SHROOM4: variants seen among roughly 807,000 people sequenced by gnomAD.
SHROOM4 encodes protein Shroom4.
A neutral mutation model predicts 80.3 loss-of-function variants in SHROOM4; 17 were observed. That is an observed-to-expected ratio of 0.21 (90% CI 0.14 to 0.32). The LOEUF (loss-of-function observed/expected upper bound fraction) is 0.32, where lower values mean the gene tolerates loss of function less well. SHROOM4 is among the 10% of genes least tolerant of loss of function. The pLI, the probability that SHROOM4 is intolerant of heterozygous loss-of-function variation, is 1.00. For synonymous variants in SHROOM4, 400 were observed against 437.5 expected (o/e 0.91, Z 1.07); for missense variants, 993 against 1,140.3 (o/e 0.87, Z 1.86).
intron 1 of SHROOM4, among the ~76,000 whole-genome samples, chrX:50,705,734 C>T (rs1201182462): frequency 9.1e-6 from 1 of 109,855 alleles, no homozygotes; most frequent in African/African-American, 3.3e-5. Flanking sequence ...GCCCTGCCAA[C>T]AAGGCATTTG....
chrX:50,775,787 CA>C (rs1935491916), intron 1 of SHROOM4, among the ~76,000 whole-genome samples: 1 of 112,194 alleles, frequency 8.9e-6, no homozygotes, highest in African/African-American at 3.2e-5. Context: ...CCAGGTGTGA[CA>C]TATGAGGGAA....
chrX:50,640,783 G>A (rs1263541761), intron 2 of SHROOM4, among the ~76,000 whole-genome samples: 2 of 111,978 alleles, frequency 1.8e-5, no homozygotes, highest in African/African-American at 6.5e-5. Flanking sequence ...CTGATTCTGT[G>A]CCTTTGCTGT....
intron 2 of SHROOM4, among the ~76,000 whole-genome samples, chrX:50,683,780 G>T (rs1356677913): frequency 9.0e-6 from 1 of 111,088 alleles, no homozygotes; most frequent in Non-Finnish European, 1.9e-5. Context: ...GGTATAAATG[G>T]GAGTGAGGTA....
intron 2 of SHROOM4, among the ~76,000 whole-genome samples, chrX:50,658,680 A>G (rs1557259688): frequency 9.0e-6 from 1 of 111,537 alleles, no homozygotes; most frequent in African/African-American, 3.3e-5. Context: ...GTAGAGGGAT[A>G]GGAAGGGAAG....
At position 50,593,196 on chromosome X, in the gene SHROOM4, T is replaced by C. The variant is rs782723010; in HGVS notation, c.*3499A>G. The C allele has an allele frequency of 8.9e-6, 1 of 112,135 alleles. No individual in the cohort carries two copies. The highest frequency in any genetic ancestry group is 2.8e-4 in the East Asian group (1 of 3,542). The allele number at this position is 112,135 out of a possible 1,213,427, so 9.2% of individuals were successfully genotyped here. A position where few individuals can be genotyped will look rare whatever the true frequency, so the allele number is the denominator to read the frequency against. On this transcript the variant is annotated 3_prime_UTR_variant, in exon 9 of 9. Coordinates refer to ENST00000376020, the MANE Select transcript of SHROOM4 (RefSeq NM_020717.5). ...AGAGGCCAGGGTAAGGGTTTAGGGA[T>C]GTGGGTAAGGGTCTGGTCATATGTT... is the stretch of plus-strand genomic sequence containing the variant.
chrX:50,663,509 T>A (rs1166912982), intron 2 of SHROOM4, among the ~76,000 whole-genome samples: 2 of 109,876 alleles, frequency 1.8e-5, no homozygotes, highest in African/African-American at 6.6e-5. Flanking sequence ...TCCAATCTCA[T>A]ACTTATTCAT....
Position 50,634,733 on chromosome X carries a change from A to C in SHROOM4, c.1340T>G (p.Leu447Arg). The C allele has an allele frequency of 8.3e-7, 1 of 1,211,846 alleles. No homozygotes were observed. Among genetic ancestry groups the C allele is most frequent in the South Asian group, 1.8e-5 (1 of 56,988 alleles). The change falls in exon 4 of 9, where the codon CTG becomes CGG. Residue 447 changes from leucine (L) to arginine (R), a missense_variant. Transcript: ENST00000376020. ...PPVQDGHQWTLSPLHSSHKGK... is the reference protein window; with the variant it reads ...PPVQDGHQWTRSPLHSSHKGK... ...TTTGTGGCTGCTGTGCAAAGGGGAC[A>C]GAGTCCACTGGTGCCCATCCTGTAC...
chrX:50,735,745 C>T (rs1181812286), intron 1 of SHROOM4, among the ~76,000 whole-genome samples: 2 of 111,548 alleles, frequency 1.8e-5, no homozygotes, highest in African/African-American at 3.3e-5. Context: ...CAGTGGCTCA[C>T]GCCTGTAATC....
At chrX:50,729,685 GCAT>G (rs1301168817) in intron 1 of SHROOM4, among the ~76,000 whole-genome samples, 1 of 111,156 alleles carries the variant, frequency 9.0e-6, no homozygotes, top group Non-Finnish European at 1.9e-5. Flanking sequence ...ACACCCAGAT[GCAT>G]CATATTTAAA....
At chrX:50,709,284 G>A (rs1933752878) in intron 1 of SHROOM4, among the ~76,000 whole-genome samples, 1 of 112,158 alleles carries the variant, frequency 8.9e-6, no homozygotes, top group African/African-American at 3.2e-5. Flanking sequence ...GAAAGCAAGC[G>A]AAGACTTGCT....
At position 50,635,394 on chromosome X, in the gene SHROOM4, G is replaced by T. The variant is rs1931302115; in HGVS notation, c.679C>A (p.Pro227Thr). The change falls in exon 4 of 9, where the codon CCC (proline) becomes ACC (threonine). Residue 227 changes from proline to threonine, a missense_variant. Physicochemically the swap from Pro to Thr is conservative, Grantham distance 38. Transcript: ENST00000376020. Reference sequence around the variant, plus strand: ...TCAGCCACATTAGGCCGGCCACTGGGGGCCTTAGTTGGCCCTGGGCCTTGC... The same window carrying T: ...TCAGCCACATTAGGCCGGCCACTGGTGGCCTTAGTTGGCCCTGGGCCTTGC... ...IMQGPGPTKA[P>T]SGRPNVAETS... The T allele has an allele frequency of 8.3e-7, 1 of 1,204,792 alleles. No homozygotes were observed. The highest frequency in any genetic ancestry group is 1.7e-5 in the African/African-American group (1 of 57,240).
chrX:50,728,079 AAGAC>A (rs1418298271), intron 1 of SHROOM4, among the ~76,000 whole-genome samples: 1 of 112,205 alleles, frequency 8.9e-6, no homozygotes, highest in Non-Finnish European at 1.9e-5. Flanking sequence ...AGAAGTTTAA[AAGAC>A]AGAGCCATAG....
intron 1 of SHROOM4, among the ~76,000 whole-genome samples, chrX:50,707,544 C>G (rs1160416619): frequency 1.8e-5 from 2 of 111,353 alleles, no homozygotes; most frequent in African/African-American, 6.5e-5. Context: ...TGGAATTACA[C>G]AGAGTTTAAT....
chrX:50,802,279 G>A (rs1182210965), intron 1 of SHROOM4, among the ~76,000 whole-genome samples: 1 of 111,916 alleles, frequency 8.9e-6, no homozygotes, highest in Non-Finnish European at 1.9e-5. Context: ...TAAATTGTCT[G>A]TGTTGATCAT....
chrX:50,653,000 T>C (rs1368427009), intron 2 of SHROOM4, among the ~76,000 whole-genome samples: 1 of 111,869 alleles, frequency 8.9e-6, no homozygotes, highest in African/African-American at 3.3e-5. Context: ...TCAGGTAGCA[T>C]GATGCCTCCA....
intron 7 of SHROOM4, among the ~76,000 whole-genome samples, chrX:50,598,739 T>C (rs1929246336): frequency 1.8e-5 from 2 of 112,007 alleles, no homozygotes; most frequent in African/African-American, 3.2e-5. Context: ...GGGATCTCCA[T>C]GTCACCACCA....
At chrX:50,776,219 A>G (rs1424028638) in intron 1 of SHROOM4, among the ~76,000 whole-genome samples, 1 of 111,973 alleles carries the variant, frequency 8.9e-6, no homozygotes, top group Non-Finnish European at 1.9e-5. Flanking sequence ...TTCCTGAAGT[A>G]GGGCCAATCA....
At chrX:50,769,229 G>A (rs782401629) in intron 1 of SHROOM4, among the ~76,000 whole-genome samples, 3 of 109,037 alleles carry the variant, frequency 2.8e-5, no homozygotes, top group Non-Finnish European at 5.7e-5. Flanking sequence ...AGGGGAAGGA[G>A]GGAGGGAGGA....
At chrX:50,641,613 ATTT>A (rs781822604) in intron 2 of SHROOM4, among the ~76,000 whole-genome samples, 1 of 98,994 alleles carries the variant, frequency 1.0e-5, no homozygotes, top group Non-Finnish European at 2.1e-5. Context: ...GACTCTTACT[ATTT>A]TTTTTTTTTT....
Sources: gnomAD v4.1 joint callset for allele counts (sites outside exome capture counted in the v4.1 genomes callset) on GRCh38, gnomAD v4.1.1 for gene constraint, MANE v1.5 for transcripts, NCBI Gene and HGNC (gene_info 2026-07-23, HGNC 2026-07-21) for gene names.